The following ACLY variants were observed in gnomAD, a reference collection of about 807,000 sequenced individuals.
The protein encoded by ACLY is ATP-citrate synthase.
In ACLY, 41 loss-of-function variants were observed where a neutral mutation model predicts 133.0. That is an observed-to-expected ratio of 0.31 (90% CI 0.24 to 0.40). The LOEUF (loss-of-function observed/expected upper bound fraction) is 0.40, where lower values mean the gene tolerates loss of function less well. Among genes scored for constraint, ACLY ranks in the 10% least tolerant of loss-of-function variants. ACLY has a pLI of 1.00. For synonymous variants in ACLY, 495 were observed against 549.3 expected (o/e 0.90, Z 1.38); for missense variants, 1,046 against 1,453.8 (o/e 0.72, Z 4.56).
In ACLY at chr17:41,905,596, G is replaced by A; in HGVS notation, c.929C>T (p.Ala310Val). Residue 310 changes from alanine to valine, a missense_variant, in exon 9 of 29, where the codon GCC becomes GTC. Physicochemically the swap from Ala to Val is moderately conservative, Grantham distance 64. Transcript: ENST00000352035. The stretch of plus-strand genomic sequence containing the variant: ...GTCATAGGTCTGCTGCTCGCTGGGG[G>A]CGCCTGAGTACTCCCCATAGTTTGC... Reference protein sequence around the residue: ...ELANYGEYSGAPSEQQTYDYA... With the variant: ...ELANYGEYSGVPSEQQTYDYA... 6.2e-7 allele frequency: 1 copy of A among 1,614,198 alleles called. No homozygotes were observed. The highest frequency in any genetic ancestry group is 8.5e-7 in the Non-Finnish European group (1 of 1,180,036).
chr17:41,897,173 AACTAAC>A (rs1555630574), intron 13 of ACLY, among the ~76,000 whole-genome samples: 2 of 151,680 alleles, frequency 1.3e-5, no homozygotes, highest in African/African-American at 4.8e-5. Context: ...GCCCAGGGGT[AACTAAC>A]ACCACTTATG....
rs371438960 is a variant in ACLY at position 41,905,699 on chromosome 17, G to A, written c.867-41C>T. The A allele has an allele frequency of 6.2e-6, 10 of 1,613,352 alleles. No homozygotes were observed. The African/African-American group carries it at 1.3e-4, about 22-fold the overall frequency. ...AAGTCAGTGATGGCTCTCACACTTG[G>A]GGCAGGGAGTGGCAGCCTGGTGCCT... On this transcript the variant is annotated intron_variant, in intron 8 of 28. Coordinates refer to ENST00000352035, the MANE Select transcript of ACLY (RefSeq NM_001096.3).
chr17:41,925,504 G>A (rs1337870519), intron 1 of ACLY, among the ~76,000 whole-genome samples: 1 of 151,796 alleles, frequency 6.6e-6, no homozygotes, highest in African/African-American at 2.4e-5. Flanking sequence ...CCAGCTACTG[G>A]GGAGGCTGAG....
intron 10 of ACLY, among the ~76,000 whole-genome samples, chr17:41,902,428 A>T (rs2049567346): frequency 1.3e-5 from 2 of 152,190 alleles, no homozygotes. Context: ...TGGTTAGGCT[A>T]ATCTCAAACT....
At chr17:41,909,784 A>G in intron 4 of ACLY, 84 bp from the exon 5 acceptor site, 1 of 1,258,458 alleles carries the variant, frequency 7.9e-7, no homozygotes, top group Non-Finnish European at 1.1e-6. Flanking sequence ...AAGATGGTCT[A>G]CCATGTACTG....
chr17:41,869,721 C>G (rs1437418710), intron 25 of ACLY, 134 bp from the exon 26 acceptor site: 1 of 645,326 alleles, frequency 1.5e-6, no homozygotes, highest in Non-Finnish European at 2.7e-6. Flanking sequence ...GTGTACCATT[C>G]CATGTGGCAC....
chr17:41,876,012 GC>G (rs1208300359), intron 22 of ACLY, among the ~76,000 whole-genome samples: 1 of 151,350 alleles, frequency 6.6e-6, no homozygotes, highest in African/African-American at 2.4e-5. Flanking sequence ...CCTCTTCCCG[GC>G]CGCCATCCCA....
At chr17:41,894,399 A>G (rs1341289212) in intron 14 of ACLY, among the ~76,000 whole-genome samples, 52 of 123,050 alleles carry the variant, frequency 4.2e-4, no homozygotes, top group Admixed American at 6.0e-4. Flanking sequence ...AAAAAAAAAA[A>G]GGGTAAGGGA....
At chr17:41,899,635 T>C (rs2049471195) in intron 11 of ACLY, among the ~76,000 whole-genome samples, 2 of 152,152 alleles carry the variant, frequency 1.3e-5, no homozygotes, top group South Asian at 4.1e-4. Flanking sequence ...ACCCCTAGCA[T>C]CTTCTCCTAC....
rs782514459 is a variant in ACLY, at chr17:41,867,766, AGAG to A, written c.*41_*43del. On this transcript the variant is annotated 3_prime_UTR_variant, in exon 29 of 29. Transcript: ENST00000352035. ...TGTCTGTACACTTTTTCTTGGGGGA[AGAG>A]ATCTTGTCTTCAGTTTACTGCAGTA... 9.5e-6 allele frequency: 14 copies of A among 1,469,736 alleles called. No homozygotes were observed. The highest frequency in any genetic ancestry group is 1.2e-5 in the Non-Finnish European group (13 of 1,064,272). The allele number at this position is 1,469,736 out of a possible 1,614,324, so 91.0% of individuals were successfully genotyped here. A position where few individuals can be genotyped will look rare whatever the true frequency, so the allele number is the denominator to read the frequency against.
At position 41,909,470 on chromosome 17, in the gene ACLY, C is replaced by T. The variant is rs377032851; in HGVS notation, c.536+40G>A. The T allele has an allele frequency of 5.4e-4, 864 of 1,600,368 alleles. 5 individuals are homozygous for T. The highest frequency in any genetic ancestry group is 2.5e-3 in the South Asian group (225 of 89,092). ...TGTGCCCAGAGCCTGTCGGTCTTCT[C>T]ATCCGAACTGCCACCTCCCTACCGT... On this transcript the variant is annotated intron_variant, in intron 5 of 28. Coordinates refer to ENST00000352035, the MANE Select transcript of ACLY (RefSeq NM_001096.3).
chr17:41,900,874 GA>G (rs1555631468), intron 11 of ACLY, among the ~76,000 whole-genome samples: 1 of 152,014 alleles, frequency 6.6e-6, no homozygotes, highest in Non-Finnish European at 1.5e-5. Context: ...CAGGGTATGG[GA>G]ATTTGCCCTT....
At chr17:41,879,478 T>C (rs1296049177) in intron 20 of ACLY, among the ~76,000 whole-genome samples, 12 of 141,714 alleles carry the variant, frequency 8.5e-5, no homozygotes, top group Non-Finnish European at 1.1e-4. Flanking sequence ...AGTAAAGTGA[T>C]GCAGTCACGG....
rs79565690 is a variant in ACLY, at chr17:41,874,418, C to T, written c.2488-453G>A. 1.4e-4 allele frequency among the ~76,000 whole-genome samples: 22 copies of T among 152,152 alleles called. No homozygotes were observed. In the East Asian group the frequency reaches 1.5e-3, roughly 11 times the overall value. On this transcript the variant is annotated intron_variant, in intron 22 of 28. Transcript: ENST00000352035. ...TCCCAGTAGCTGGGGCAACAAGGCA[C>T]GCACCGCCACGCCTGGCTAATTTTA...
chr17:41,903,102 G>A (rs1555631918), intron 10 of ACLY, among the ~76,000 whole-genome samples: 2 of 152,134 alleles, frequency 1.3e-5, no homozygotes, highest in East Asian at 3.8e-4. Flanking sequence ...CACTTCTTGA[G>A]ACCTCAGACT....
intron 10 of ACLY, among the ~76,000 whole-genome samples, chr17:41,902,563 G>C (rs1555631832): frequency 6.6e-6 from 1 of 152,224 alleles, no homozygotes; most frequent in Non-Finnish European, 1.5e-5. Context: ...AAAAATGAGA[G>C]GGTGGAAAGG....
chr17:41,871,139 C>T (rs1555624952), intron 25 of ACLY, among the ~76,000 whole-genome samples: 2 of 152,192 alleles, frequency 1.3e-5, no homozygotes, highest in Non-Finnish European at 2.9e-5. Context: ...ACCAAGTTTT[C>T]CATCTCATTT....
chr17:41,890,329 T>C (rs1317059659), intron 16 of ACLY, among the ~76,000 whole-genome samples: 1 of 151,476 alleles, frequency 6.6e-6, no homozygotes, highest in African/African-American at 2.4e-5. Context: ...AATATTTTTA[T>C]AATGAAATGT....
At chr17:41,895,845 C>T (rs1343971531) in intron 14 of ACLY, among the ~76,000 whole-genome samples, 1 of 152,166 alleles carries the variant, frequency 6.6e-6, no homozygotes, top group African/African-American at 2.4e-5. Flanking sequence ...ACAAAGACTT[C>T]CCCGCCTCCA....
Sources: gnomAD v4.1 joint callset for allele counts (sites outside exome capture counted in the v4.1 genomes callset) on GRCh38, gnomAD v4.1.1 for gene constraint, MANE v1.5 for transcripts, NCBI Gene and HGNC (gene_info 2026-07-23, HGNC 2026-07-21) for gene names.